KLHDC2: variants seen among roughly 807,000 people sequenced by gnomAD.
KLHDC2 encodes the protein kelch domain-containing protein 2.
In KLHDC2, 38 loss-of-function variants were observed where a neutral mutation model predicts 62.3. The ratio of observed to expected loss-of-function variants is 0.61; its 90% CI spans 0.47 to 0.80. The LOEUF (loss-of-function observed/expected upper bound fraction) is 0.80. Among genes scored for constraint, KLHDC2 ranks in the 30% least tolerant of loss-of-function variants. KLHDC2 has a pLI of 0.00. For missense variants in KLHDC2, 430 were observed against 495.3 expected (o/e 0.87, Z 1.25); for synonymous variants, 159 against 161.0 (o/e 0.99, Z 0.09).
At chr14:49,777,808 C>A in intron 3 of KLHDC2, 31 bp from the exon 4 acceptor site, 5 of 1,186,906 alleles carry the variant, frequency 4.2e-6, no homozygotes, top group Middle Eastern at 2.0e-4. Flanking sequence ...TTCATAAAAC[C>A]AACTCTAACT....
chr14:49,780,046 A>C (rs4488363), intron 8 of KLHDC2, 167 bp from the exon 9 acceptor site: 1 of 620,658 alleles, frequency 1.6e-6, no homozygotes, highest in Non-Finnish European at 2.8e-6. Flanking sequence ...GTTGATTCTA[A>C]CGTCAAAGAA....
intron 2 of KLHDC2, 139 bp downstream of exon 2, chr14:49,771,812 G>A (rs1594698724): frequency 3.7e-6 from 2 of 542,400 alleles, no homozygotes; most frequent in South Asian, 4.7e-5. Flanking sequence ...ACACCAGGCT[G>A]GGGTGAAACC....
Position 49,780,703 on chromosome 14 carries a change from G to A in KLHDC2, c.884G>A (p.Ser295Asn), listed in dbSNP as rs1382679774. ...GGFTTDKQPL[S>N]DAWTYCISKN... ...TACTTCATTTCTTTGCTTGAATCAG[G>A]TGATGCCTGGACTTACTGCATCAGT... Residue 295 changes from serine (S) to asparagine (N), a missense_variant and splice_region_variant, in exon 10 of 13, where the codon AGT (serine) becomes AAT (asparagine). Ser to Asn is a conservative substitution (Grantham distance 46). Transcript: ENST00000298307. The A allele has an allele frequency of 6.3e-7, 1 of 1,598,304 alleles. No individual in the cohort carries two copies. Among genetic ancestry groups the A allele is most frequent in the Non-Finnish European group, 8.6e-7 (1 of 1,165,574 alleles).
In KLHDC2 at chr14:49,777,967, C is replaced by T; in HGVS notation, c.467+13C>T. 6.6e-7 allele frequency: 1 copy of T among 1,508,452 alleles called. No individual in the cohort carries two copies. The highest frequency in any genetic ancestry group is 9.2e-7 in the Non-Finnish European group (1 of 1,090,512). 93.4% of individuals were successfully genotyped at this position (1,508,452 alleles called of 1,614,324 possible). ...TATATAAAAACAAGTAAGTTGGCAG[C>T]ACTACAGGTTTGGGTTTTTATGTGT... On this transcript the variant is annotated intron_variant, in intron 4 of 12. Coordinates refer to ENST00000298307, the MANE Select transcript of KLHDC2 (RefSeq NM_014315.3).
chr14:49,770,484 C>T (rs1889640090), intron 1 of KLHDC2, among the ~76,000 whole-genome samples: 1 of 152,152 alleles, frequency 6.6e-6, no homozygotes, highest in African/African-American at 2.4e-5. Flanking sequence ...TTCAAGCTTG[C>T]TGGACTTTGA....
chr14:49,774,786 AATG>A, intron 3 of KLHDC2, 108 bp downstream of exon 3: 1 of 773,600 alleles, frequency 1.3e-6, no homozygotes, highest in Non-Finnish European at 2.3e-6. Flanking sequence ...CACAGTTAAA[AATG>A]ATGTGTACTT....
At chr14:49,775,652 A>T (rs1327095078) in intron 3 of KLHDC2, among the ~76,000 whole-genome samples, 1 of 122,222 alleles carries the variant, frequency 8.2e-6, no homozygotes, top group Non-Finnish European at 1.6e-5. Flanking sequence ...ATGGGGACAG[A>T]GTCTCGCTCT....
intron 1 of KLHDC2, among the ~76,000 whole-genome samples, chr14:49,769,889 C>G (rs907244851): frequency 3.4e-5 from 5 of 147,214 alleles, no homozygotes; most frequent in Non-Finnish European, 5.9e-5. Flanking sequence ...TTGCAGTGAG[C>G]TGAGACGGCG....
chr14:49,768,957 G>T (rs546476046), intron 1 of KLHDC2: 144 of 255,470 alleles, frequency 5.6e-4, no homozygotes, highest in African/African-American at 3.2e-3. Context: ...AAGGGTTGGG[G>T]TGTGAAAGGT....
At chr14:49,771,410 GAATT>G (rs1219226704) in intron 1 of KLHDC2, among the ~76,000 whole-genome samples, 180 bp from the exon 2 acceptor site, 2 of 151,864 alleles carry the variant, frequency 1.3e-5, no homozygotes, top group African/African-American at 4.8e-5. Context: ...TCAAAATTCT[GAATT>G]AAGAGCTATC....
rs1391125434 is a variant in KLHDC2, at chr14:49,784,033, C to T, written c.*1080C>T. 2 of 151,914 alleles carry T rather than the reference C, an allele frequency of 1.3e-5. No individual in the cohort carries two copies. The highest frequency in any genetic ancestry group is 4.8e-5 in the African/African-American group (2 of 41,362). 9.4% of individuals were successfully genotyped at this position (151,914 alleles called of 1,614,324 possible). Reference sequence around the variant, plus strand: ...TAAGCAATCAAGCCACTTCACTGTTCAGTTTCTTTACATCATGAAATGAAT... The same window carrying T: ...TAAGCAATCAAGCCACTTCACTGTTTAGTTTCTTTACATCATGAAATGAAT... On this transcript the variant is annotated 3_prime_UTR_variant, in exon 13 of 13. Transcript: ENST00000298307.
intron 8 of KLHDC2, 22 bp from the exon 9 acceptor site, chr14:49,780,191 G>GTAAC (rs1889860130): frequency 2.8e-6 from 4 of 1,411,632 alleles, no homozygotes; most frequent in South Asian, 1.2e-5. Flanking sequence ...TGCAGATATT[G>GTAAC]TAACTTAGCT....
rs549154937 is a variant in KLHDC2 at position 49,777,865 on chromosome 14, A to G, written c.378A>G (p.Thr126=). Residue 126 remains threonine, a synonymous_variant, in exon 4 of 13, where the codon ACA becomes ACG. Transcript: ENST00000298307. ...TCTACATGCTGGATTCAAGGTCTAC[A>G]GACAGAGTGTTACAGTGGGAAAGAA... The part of the protein sequence containing the change: ...NKFYMLDSRS[T]DRVLQWERID... 84 of 1,605,618 alleles carry G rather than the reference A, an allele frequency of 5.2e-5. No homozygotes were observed. In the South Asian group the frequency reaches 8.5e-4, roughly 16 times the overall value.
intron 6 of KLHDC2, among the ~76,000 whole-genome samples, chr14:49,779,143 G>A (rs1889833679): frequency 6.6e-6 from 1 of 152,080 alleles, no homozygotes; most frequent in Non-Finnish European, 1.5e-5. Flanking sequence ...TTTCCTTTCA[G>A]CATCATGTTG....
At chr14:49,769,827 G>C (rs1243723024) in intron 1 of KLHDC2, among the ~76,000 whole-genome samples, 1 of 151,946 alleles carries the variant, frequency 6.6e-6, no homozygotes, top group African/African-American at 2.4e-5. Context: ...CCCTAATCCC[G>C]TCTACTTGAG....
intron 2 of KLHDC2, among the ~76,000 whole-genome samples, chr14:49,773,679 C>A (rs1384434727): frequency 1.3e-5 from 2 of 151,160 alleles, no homozygotes; most frequent in Non-Finnish European, 2.9e-5. Context: ...TGGCTTCACA[C>A]CATTCTGTTG....
chr14:49,782,347 A>G (rs1889943772), intron 10 of KLHDC2, 23 bp from the exon 11 acceptor site: 1 of 1,575,428 alleles, frequency 6.3e-7, no homozygotes, highest in Non-Finnish European at 8.7e-7. Context: ...GTGGCTTCAA[A>G]CTCGTTTTTG....
chr14:49,783,054 G>A lies in KLHDC2; in HGVS notation c.*101G>A. 1.6e-6 allele frequency: 2 copies of A among 1,285,230 alleles called. No individual in the cohort carries two copies. Among genetic ancestry groups the A allele is most frequent in the East Asian group, 4.9e-5 (2 of 40,838 alleles). The allele number at this position is 1,285,230 out of a possible 1,614,324, so 79.6% of individuals were successfully genotyped here. On this transcript the variant is annotated 3_prime_UTR_variant, in exon 13 of 13. Coordinates refer to ENST00000298307, the MANE Select transcript of KLHDC2 (RefSeq NM_014315.3). ...ATAATTATATGCATTGTTGTAGTTT[G>A]CACCTGTTGGTTTTAATGTGCATGT... is the stretch of plus-strand genomic sequence containing the variant.
intron 2 of KLHDC2, 70 bp downstream of exon 2, chr14:49,771,743 C>G (rs151061633): frequency 2.5e-6 from 2 of 809,766 alleles, no homozygotes; most frequent in East Asian, 5.0e-5. Context: ...TGGCTCATGC[C>G]TATAATCCCA....
Sources: allele counts gnomAD v4.1 joint callset (sites outside exome capture counted in the v4.1 genomes callset), GRCh38; gene constraint gnomAD v4.1.1; transcripts MANE v1.5; gene names NCBI Gene and HGNC (gene_info 2026-07-23, HGNC 2026-07-21).